RFC3: variants seen among roughly 807,000 people sequenced by gnomAD.
RFC3 encodes the protein A1 38 kDa subunit.
A neutral mutation model predicts 45.1 loss-of-function variants in RFC3; 41 were observed. The ratio of observed to expected loss-of-function variants is 0.91; its 90% CI spans 0.71 to 1.18. The LOEUF (loss-of-function observed/expected upper bound fraction) is 1.18. Ranked by LOEUF, RFC3 falls within the 50% of genes most tolerant of loss-of-function variation. The probability of loss-of-function intolerance (pLI) is 0.00; values close to 1 mark genes in which losing one functional copy is unlikely to be tolerated. For missense variants in RFC3, 423 were observed against 428.1 expected (o/e 0.99, Z 0.10); for synonymous variants, 149 against 144.0 (o/e 1.03, Z -0.25).
intron 8 of RFC3, among the ~76,000 whole-genome samples, chr13:33,902,914 TAA>T (rs60658488): frequency 0.18 from 26,122 of 145,240 alleles, 4,834 homozygotes; most frequent in African/African-American, 0.47. Context: ...GCTGATGAGC[TAA>T]AAAAAAAAAA....
chr13:33,892,988 A>T (rs2082572943), intron 8 of RFC3, among the ~76,000 whole-genome samples: 1 of 152,204 alleles, frequency 6.6e-6, no homozygotes, highest in African/African-American at 2.4e-5. Context: ...CCATCTTGGG[A>T]GCCTTGGCAG....
intron 8 of RFC3, among the ~76,000 whole-genome samples, chr13:33,894,715 C>A (rs1044932705): frequency 6.6e-6 from 1 of 152,052 alleles, no homozygotes; most frequent in Admixed American, 6.6e-5. Context: ...TGCAGGTGTT[C>A]CTGGATAATC....
In RFC3 at chr13:33,836,241, C is replaced by T. The variant is rs914857903; in HGVS notation, c.1017C>T (p.Phe339=). 3.7e-6 allele frequency: 6 copies of T among 1,613,452 alleles called. No individual in the cohort carries two copies. Among genetic ancestry groups the T allele is most frequent in the Non-Finnish European group, 5.1e-6 (6 of 1,179,518 alleles). ...ACTTGGAAGCGTTTGTGGCCAAATT[C>T]ATGGCACTTTATAAGAAGTTCATGG... is the stretch of plus-strand genomic sequence containing the variant. ...IYHLEAFVAK[F]MALYKKFMED... Residue 339 remains phenylalanine, a synonymous_variant, in exon 9 of 9, where the codon TTC becomes TTT. Coordinates refer to ENST00000380071, the MANE Select transcript of RFC3 (RefSeq NM_002915.4).
intron 8 of RFC3, among the ~76,000 whole-genome samples, chr13:33,941,736 T>C (rs934421802): frequency 2.9e-4 from 44 of 151,886 alleles, no homozygotes; most frequent in African/African-American, 1.1e-3. Flanking sequence ...AGGTTTTTTT[T>C]TTCTTCTTAG....
chr13:33,825,907 T>C, intron 4 of RFC3, 21 bp downstream of exon 4: 4 of 1,492,222 alleles, frequency 2.7e-6, no homozygotes, highest in Non-Finnish European at 2.8e-6. Context: ...AAAAGACTTC[T>C]TTTTATGAAG....
chr13:33,874,364 C>T (rs2082432272), intron 8 of RFC3, among the ~76,000 whole-genome samples: 1 of 152,210 alleles, frequency 6.6e-6, no homozygotes, highest in African/African-American at 2.4e-5. Context: ...GTTATCCAGG[C>T]TGGAGTGCAG....
chr13:33,825,635 A>G (rs369307771), intron 3 of RFC3, among the ~76,000 whole-genome samples, 154 bp from the exon 4 acceptor site: 3 of 152,164 alleles, frequency 2.0e-5, no homozygotes, highest in Non-Finnish European at 4.4e-5. Context: ...AGTATTTTCA[A>G]TGACCCTAAA....
At chr13:33,966,264 T>C in exon 9 of RFC3, 2 of 700,482 alleles carry the variant, frequency 2.9e-6, no homozygotes, top group Non-Finnish European at 5.1e-6. Flanking sequence ...AGCCTGAATG[T>C]TATTTCCTGA....
At chr13:33,936,762 G>A (rs1394632752) in intron 8 of RFC3, among the ~76,000 whole-genome samples, 1 of 152,108 alleles carries the variant, frequency 6.6e-6, no homozygotes, top group Non-Finnish European at 1.5e-5. Context: ...AGAACTGTGA[G>A]GCAGTAAACT....
intron 8 of RFC3, among the ~76,000 whole-genome samples, chr13:33,959,810 A>G (rs1216886890): frequency 6.6e-6 from 1 of 152,156 alleles, no homozygotes; most frequent in Non-Finnish European, 1.5e-5. Context: ...ACTGCTATAG[A>G]GAAATTCCTG....
chr13:33,835,176 G>C lies in RFC3; in HGVS notation c.838G>C (p.Glu280Gln), dbSNP rs2082141861. 6.2e-7 allele frequency: 1 copy of C among 1,610,358 alleles called. No individual in the cohort carries two copies. Among genetic ancestry groups the C allele is most frequent in the African/African-American group, 1.3e-5 (1 of 74,812 alleles). ...RLLEVRGRLY[E>Q]LLTHCIPPEI... ...CCTTGAAGTTCGTGGAAGGCTGTATGAGCTTCTAACTCATTGTATTCCTCC... is the reference window on the plus strand; with the variant it reads ...CCTTGAAGTTCGTGGAAGGCTGTATCAGCTTCTAACTCATTGTATTCCTCC... Residue 280 changes from glutamate to glutamine, a missense_variant, in exon 8 of 9, where the codon GAG becomes CAG. Coordinates refer to ENST00000380071, the MANE Select transcript of RFC3 (RefSeq NM_002915.4).
intron 8 of RFC3, among the ~76,000 whole-genome samples, chr13:33,879,845 A>G (rs2082471359): frequency 6.6e-6 from 1 of 152,174 alleles, no homozygotes; most frequent in South Asian, 2.1e-4. Flanking sequence ...TGGAGACTCT[A>G]GGACAGAATC....
rs2082026659 is a variant in RFC3, at chr13:33,823,957, G to A, written c.266G>A (p.Ser89Asn). Reference protein sequence around the residue: ...KKKIEISTIASNYHLEVNPSD... With the variant: ...KKKIEISTIANNYHLEVNPSD... ...AAAATTGAAATTAGCACCATTGCAA[G>A]TAACTACCACCTTGAAGTTAATCCT... Residue 89 changes from serine (S) to asparagine (N), a missense_variant, in exon 3 of 9, where the codon AGT (serine) becomes AAT (asparagine). Coordinates refer to ENST00000380071, the MANE Select transcript of RFC3 (RefSeq NM_002915.4). 2 of 1,561,904 alleles carry A rather than the reference G, an allele frequency of 1.3e-6. No homozygotes were observed. The highest frequency in any genetic ancestry group is 1.7e-5 in the Admixed American group (1 of 58,192).
intron 8 of RFC3, among the ~76,000 whole-genome samples, chr13:33,948,817 A>T (rs1471191467): frequency 6.6e-6 from 1 of 152,150 alleles, no homozygotes; most frequent in East Asian, 1.9e-4. Flanking sequence ...GTTCTGGTCA[A>T]TTTCTCCCAT....
At chr13:33,843,097 A>G (rs185465374) in intron 8 of RFC3, among the ~76,000 whole-genome samples, 26 of 152,294 alleles carry the variant, frequency 1.7e-4, no homozygotes, top group Admixed American at 5.9e-4. Context: ...AAAACAAAAA[A>G]AACCTCAACT....
At chr13:33,966,166 C>T (rs1385064865) in exon 9 of RFC3, 1 of 1,483,134 alleles carries the variant, frequency 6.7e-7, no homozygotes. Flanking sequence ...GGACTTCTCT[C>T]ATCTTTTAGC....
chr13:33,839,332 C>G (rs959014897), downstream of RFC3, among the ~76,000 whole-genome samples: 2 of 152,102 alleles, frequency 1.3e-5, no homozygotes, highest in Admixed American at 6.6e-5. Flanking sequence ...CTTTTTGAAC[C>G]AAGTCTGCCA....
intron 8 of RFC3, among the ~76,000 whole-genome samples, chr13:33,928,142 A>G (rs2082827304): frequency 6.6e-6 from 1 of 152,120 alleles, no homozygotes; most frequent in South Asian, 2.1e-4. Flanking sequence ...ATTTGAATGC[A>G]GGCAGTGTCA....
intron 8 of RFC3, 109 bp downstream of exon 8, chr13:33,835,326 G>A (rs1034924588): frequency 1.0e-5 from 8 of 765,714 alleles, no homozygotes; most frequent in South Asian, 5.5e-5. Flanking sequence ...TCTCTCCAGC[G>A]CATTAATTGC....
Sources: allele counts gnomAD v4.1 joint callset (sites outside exome capture counted in the v4.1 genomes callset), GRCh38; gene constraint gnomAD v4.1.1; transcripts MANE v1.5; gene names NCBI Gene and HGNC (gene_info 2026-07-23, HGNC 2026-07-21).